Variants in WNK2 observed in about 807,000 individuals in gnomAD.
WNK2 encodes WNK lysine deficient protein kinase 2.
A neutral mutation model predicts 192.1 loss-of-function variants in WNK2; 67 were observed. The observed-to-expected ratio is 0.35, with a 90% CI of 0.29 to 0.43. The LOEUF (loss-of-function observed/expected upper bound fraction) is 0.43, where lower values mean the gene tolerates loss of function less well. Among genes scored for constraint, WNK2 ranks in the 20% least tolerant of loss-of-function variants. The pLI, the probability that WNK2 is intolerant of heterozygous loss-of-function variation, is 1.00. For missense variants in WNK2, 2,698 were observed against 3,089.7 expected, an observed-to-expected ratio of 0.87 and a Z score of 3.01; for synonymous variants, 1,439 against 1,393.9, an observed-to-expected ratio of 1.03 and a Z score of -0.72.
At chr9:93,296,721 A>G (rs1477272213) in intron 23 of WNK2, among the ~76,000 whole-genome samples, 1 of 36,446 alleles carries the variant, frequency 2.7e-5, no homozygotes, top group Non-Finnish European at 5.0e-5. Flanking sequence ...CTCCCTCTCT[A>G]TCCTCCCCTC....
rs767524593 is a variant in WNK2, at chr9:93,234,767, C to T, written c.1076-41C>T. On this transcript the variant is annotated intron_variant, in intron 4 of 29. Coordinates refer to ENST00000427277, the MANE Select transcript of WNK2 (RefSeq NM_006648.4). ...CACTGGCTCCAGCTCTTCCTGGGCCCGTGGCCAGCTGACAGCTGCGTCTGT... is the reference window on the plus strand; with the variant it reads ...CACTGGCTCCAGCTCTTCCTGGGCCTGTGGCCAGCTGACAGCTGCGTCTGT... 48 of 1,592,998 alleles carry T rather than the reference C, an allele frequency of 3.0e-5. No individual in the cohort carries two copies. The South Asian group carries it at 3.3e-4, about 11-fold the overall frequency.
intron 28 of WNK2, among the ~76,000 whole-genome samples, chr9:93,315,286 G>A (rs1854430677): frequency 6.6e-6 from 1 of 152,176 alleles, no homozygotes; most frequent in South Asian, 2.1e-4. Context: ...TTTTCTGTCA[G>A]AATTGTGTAA....
chr9:93,319,686 T>G (rs1855263566), intron 29 of WNK2, among the ~76,000 whole-genome samples: 1 of 152,190 alleles, frequency 6.6e-6, no homozygotes, highest in African/African-American at 2.4e-5. Flanking sequence ...TGGGAGCTCC[T>G]CAGATGAGCT....
chr9:93,293,422 C>T (rs1018401063), intron 23 of WNK2, among the ~76,000 whole-genome samples: 2 of 151,620 alleles, frequency 1.3e-5, no homozygotes, highest in African/African-American at 2.4e-5. Flanking sequence ...CGGGTTCAAG[C>T]GATTCTCCTC....
At chr9:93,253,626 C>A (rs899798810) in intron 9 of WNK2, among the ~76,000 whole-genome samples, 1 of 152,002 alleles carries the variant, frequency 6.6e-6, no homozygotes, top group African/African-American at 2.4e-5. Flanking sequence ...TATTGTGTAG[C>A]GGTTAAAGTC....
rs1828844723 is a variant in WNK2 at position 93,184,258 on chromosome 9, C to G, written c.-130C>G. 6.6e-6 allele frequency among the ~76,000 whole-genome samples: 1 copy of G among 150,978 alleles called. No homozygotes were observed. Among genetic ancestry groups the G allele is most frequent in the Non-Finnish European group, 1.5e-5 (1 of 67,618 alleles). The stretch of plus-strand genomic sequence containing the variant: ...AGAGAGCAGCGCGCAGGAGCTGGAG[C>G]GGCGCCACGGCCCCCACCCCAGCGC... On this transcript the variant is annotated 5_prime_UTR_variant, in exon 1 of 30. Transcript: ENST00000427277.
intron 12 of WNK2, among the ~76,000 whole-genome samples, chr9:93,260,851 C>T (rs1437001713): frequency 2.0e-5 from 3 of 152,282 alleles, no homozygotes; most frequent in Non-Finnish European, 2.9e-5. Flanking sequence ...ATCAGAAGGC[C>T]GAGGGCCACA....
chr9:93,297,098 G>A (rs897385624), intron 23 of WNK2, among the ~76,000 whole-genome samples: 2 of 119,892 alleles, frequency 1.7e-5, no homozygotes, highest in African/African-American at 6.6e-5. Flanking sequence ...CCTCCCCTCG[G>A]CTTCCTCCCC....
chr9:93,290,426 C>T (rs1190077737), intron 21 of WNK2, among the ~76,000 whole-genome samples: 1 of 151,530 alleles, frequency 6.6e-6, no homozygotes, highest in Non-Finnish European at 1.5e-5. Flanking sequence ...CAATGTGGTG[C>T]AGGGAAGCCA....
At chr9:93,317,335 AG>A in intron 28 of WNK2, 184 bp from the exon 29 acceptor site, 1 of 624,614 alleles carries the variant, frequency 1.6e-6, no homozygotes, top group Non-Finnish European at 2.8e-6. Flanking sequence ...CAAACAAGGG[AG>A]GGTGATGGTT....
Position 93,257,235 on chromosome 9 carries a change from A to G in WNK2, c.2382+96A>G, listed in dbSNP as rs1045192049. 4.4e-6 allele frequency: 6 copies of G among 1,359,406 alleles called. No individual in the cohort carries two copies. Among genetic ancestry groups the G allele is most frequent in the South Asian group, 2.6e-5 (2 of 76,194 alleles). The allele number at this position is 1,359,406 out of a possible 1,614,324, so 84.2% of individuals were successfully genotyped here. A position where few individuals can be genotyped will look rare whatever the true frequency, so the allele number is the denominator to read the frequency against. On this transcript the variant is annotated intron_variant, in intron 11 of 29. Coordinates refer to ENST00000427277, the MANE Select transcript of WNK2 (RefSeq NM_006648.4). This position sits in a 1 kb window ranked among gnomAD's most constrained non-coding sequence, Gnocchi z 4.7. ...CACCCACAGAGGGGGTTGTCTGTGC[A>G]TGTGACCTGTGACCTGGGGTTGGGC...
intron 2 of WNK2, among the ~76,000 whole-genome samples, chr9:93,189,974 C>T (rs1214966406): frequency 6.6e-6 from 1 of 152,222 alleles, no homozygotes; most frequent in East Asian, 1.9e-4. Flanking sequence ...TGGGGCAAGA[C>T]AATCAGAAGG....
intron 2 of WNK2, among the ~76,000 whole-genome samples, chr9:93,228,219 C>A (rs4744199): frequency 1.3e-5 from 2 of 151,806 alleles, no homozygotes; most frequent in Non-Finnish European, 2.9e-5. Context: ...AGGGGTCTGG[C>A]GGGTTGATGG....
Position 93,259,077 on chromosome 9 carries a change from C to G in WNK2, c.2529C>G (p.Leu843=). The G allele has an allele frequency of 6.2e-7, 1 of 1,613,238 alleles. No individual in the cohort carries two copies. Among genetic ancestry groups the G allele is most frequent in the Non-Finnish European group, 8.5e-7 (1 of 1,179,786 alleles). Residue 843 remains leucine, a synonymous_variant, in exon 12 of 30, where the codon CTC becomes CTG. Transcript: ENST00000427277. This position sits in a 1 kb window ranked among gnomAD's most constrained non-coding sequence, Gnocchi z 4.8. ...YFSPAVILPS[L]AAPLPPASPA... is the part of the protein sequence containing the mutation. ...CTCCAGCCGTGATCTTGCCGAGCCTCGCTGCCCCACTCCCCCCTGCGTCCC... is the reference window on the plus strand; with the variant it reads ...CTCCAGCCGTGATCTTGCCGAGCCTGGCTGCCCCACTCCCCCCTGCGTCCC...
At chr9:93,303,490 C>T (rs973609800) in intron 26 of WNK2, among the ~76,000 whole-genome samples, 3 of 152,178 alleles carry the variant, frequency 2.0e-5, no homozygotes, top group African/African-American at 7.2e-5. Flanking sequence ...GCCTTCTAGG[C>T]CTTCTCCCAC....
intron 28 of WNK2, among the ~76,000 whole-genome samples, chr9:93,314,047 G>A (rs74996396): frequency 0.062 from 9,386 of 151,436 alleles, 364 homozygotes; most frequent in African/African-American, 0.1. Flanking sequence ...GAGGCGGGTG[G>A]ATCACCTGAG....
chr9:93,261,035 G>A (rs1405832556), intron 12 of WNK2, among the ~76,000 whole-genome samples: 2 of 152,142 alleles, frequency 1.3e-5, no homozygotes, highest in African/African-American at 4.8e-5. Context: ...TGATGAGCTG[G>A]GCTGGCCACC....
chr9:93,218,037 TG>T (rs1258037045), intron 2 of WNK2, among the ~76,000 whole-genome samples: 1 of 49,114 alleles, frequency 2.0e-5, no homozygotes, highest in African/African-American at 7.5e-5. Flanking sequence ...GGGGGTGGGG[TG>T]GGGGGAAGGG....
chr9:93,229,897 G>A lies in WNK2; in HGVS notation c.854+29G>A, dbSNP rs375987303. 893 of 1,606,386 alleles carry A rather than the reference G, an allele frequency of 5.6e-4. 4 individuals are homozygous for A. In the African/African-American group the frequency reaches 1.0e-2, roughly 18 times the overall value. The stretch of plus-strand genomic sequence containing the variant: ...AGCTCCGCTTCCTGAGGGCTGGGGC[G>A]GGTCCTGGCATGGGTGCAGGGCTAC... On this transcript the variant is annotated intron_variant, in intron 3 of 29. Transcript: ENST00000427277. This position sits in a 1 kb window ranked among gnomAD's most constrained non-coding sequence, Gnocchi z 4.9.
Sources: allele counts gnomAD v4.1 joint callset (sites outside exome capture counted in the v4.1 genomes callset), GRCh38; gene constraint gnomAD v4.1.1; non-coding constraint Gnocchi (gnomAD v3.1); transcripts MANE v1.5; gene names NCBI Gene and HGNC (gene_info 2026-07-23, HGNC 2026-07-21).